GRXCR1: variants seen among roughly 807,000 people sequenced by gnomAD.
GRXCR1 encodes glutaredoxin domain-containing cysteine-rich protein 1.
A neutral mutation model predicts 27.3 loss-of-function variants in GRXCR1; 27 were observed. The observed-to-expected ratio is 0.99, with a 90% CI of 0.73 to 1.37. The LOEUF is 1.37. Ranked by LOEUF, GRXCR1 falls within the 40% of genes most tolerant of loss-of-function variation. The pLI, the probability that GRXCR1 is intolerant of heterozygous loss-of-function variation, is 0.00. For missense variants in GRXCR1, 379 were observed against 354.4 expected, an observed-to-expected ratio of 1.07 and a Z score of -0.56; for synonymous variants, 122 against 131.1, an observed-to-expected ratio of 0.93 and a Z score of 0.47.
chr4:42,993,171 AG>A (rs903574518), intron 2 of GRXCR1, among the ~76,000 whole-genome samples: 10 of 152,052 alleles, frequency 6.6e-5, no homozygotes, highest in African/African-American at 2.2e-4. Flanking sequence ...GACAAGTAAA[AG>A]GTAAGTGAAA....
rs567348004 is a variant in GRXCR1 at position 42,970,441 on chromosome 4, C to T, written c.627+7307C>T. Among the ~76,000 whole-genome samples, 9 of 152,272 alleles carry T rather than the reference C, an allele frequency of 5.9e-5. No individual in the cohort carries two copies. The East Asian group carries it at 1.7e-3, about 29-fold the overall frequency. On this transcript the variant is annotated intron_variant, in intron 2 of 3. Coordinates refer to ENST00000399770, the MANE Select transcript of GRXCR1 (RefSeq NM_001080476.3). The stretch of plus-strand genomic sequence containing the variant: ...TGGACATCCAGGCGTTTCCTTATAT[C>T]CTCTGAAATCTAAGAGGAGGTTCCC...
intron 1 of GRXCR1, among the ~76,000 whole-genome samples, chr4:42,932,236 T>C (rs926029665): frequency 2.0e-5 from 3 of 151,776 alleles, no homozygotes; most frequent in African/African-American, 7.3e-5. Flanking sequence ...TGCCCTCCTC[T>C]TGATGTATGC....
intron 1 of GRXCR1, among the ~76,000 whole-genome samples, chr4:42,943,260 T>C (rs1450723957): frequency 6.6e-6 from 1 of 152,118 alleles, no homozygotes; most frequent in Non-Finnish European, 1.5e-5. Context: ...TAAATAGTTA[T>C]TTTGTTTATC....
intron 1 of GRXCR1, among the ~76,000 whole-genome samples, chr4:42,918,502 TCTG>T (rs1418312440): frequency 6.6e-6 from 1 of 152,112 alleles, no homozygotes; most frequent in Non-Finnish European, 1.5e-5. Context: ...AACATCCACT[TCTG>T]CTGAACATGA....
In GRXCR1 at chr4:42,900,899, G is replaced by T. The variant is rs576608559; in HGVS notation, c.384+7249G>T. Among the ~76,000 whole-genome samples the T allele has an allele frequency of 6.8e-4, 104 of 152,194 alleles. 1 individual carries two copies. Among genetic ancestry groups the T allele is most frequent in the African/African-American group, 2.5e-3 (103 of 41,542 alleles). On this transcript the variant is annotated intron_variant, in intron 1 of 3. Transcript: ENST00000399770. ...TCCCAGAACTAATCCATGCCACAGGGCAACTGTTCTTATTCGCGTATCACC... is the reference window on the plus strand; with the variant it reads ...TCCCAGAACTAATCCATGCCACAGGTCAACTGTTCTTATTCGCGTATCACC...
At chr4:42,943,232 G>T (rs1747663619) in intron 1 of GRXCR1, among the ~76,000 whole-genome samples, 1 of 152,102 alleles carries the variant, frequency 6.6e-6, no homozygotes, top group African/African-American at 2.4e-5. Context: ...ATTGCCTGAT[G>T]CATAGTTAAT....
At chr4:42,983,189 G>T (rs1329746612) in intron 2 of GRXCR1, among the ~76,000 whole-genome samples, 1 of 151,044 alleles carries the variant, frequency 6.6e-6, no homozygotes, top group Non-Finnish European at 1.5e-5. Flanking sequence ...ATGGTTTTAG[G>T]TCTAACGTTG....
intron 3 of GRXCR1, among the ~76,000 whole-genome samples, chr4:43,022,823 G>A (rs928840560): frequency 6.6e-6 from 1 of 152,150 alleles, no homozygotes; most frequent in African/African-American, 2.4e-5. Flanking sequence ...TCATGATGCA[G>A]GAAACATTTC....
At chr4:42,951,372 T>TAA (rs1278226675) in intron 1 of GRXCR1, among the ~76,000 whole-genome samples, 1 of 152,120 alleles carries the variant, frequency 6.6e-6, no homozygotes, top group Admixed American at 6.6e-5. Context: ...TATCTGAGCA[T>TAA]CCCCTAGCCA....
intron 2 of GRXCR1, among the ~76,000 whole-genome samples, chr4:42,975,915 A>T (rs1403386047): frequency 6.6e-6 from 1 of 152,184 alleles, no homozygotes; most frequent in East Asian, 1.9e-4. Flanking sequence ...TCAATTAAAG[A>T]GAAAGAACTT....
intron 1 of GRXCR1, among the ~76,000 whole-genome samples, chr4:42,962,060 T>C (rs1351534192): frequency 6.6e-6 from 1 of 151,980 alleles, no homozygotes; most frequent in African/African-American, 2.4e-5. Context: ...TTTCAGTACC[T>C]ACCTGGTATG....
intron 2 of GRXCR1, 57 bp downstream of exon 2, chr4:42,963,191 A>T: frequency 6.4e-7 from 1 of 1,570,672 alleles, no homozygotes; most frequent in Non-Finnish European, 8.8e-7. Context: ...GCTGATAGAA[A>T]TCTATAACCA....
At chr4:43,001,335 C>T (rs900985370) in intron 2 of GRXCR1, among the ~76,000 whole-genome samples, 7 of 152,092 alleles carry the variant, frequency 4.6e-5, no homozygotes, top group East Asian at 1.9e-4. Flanking sequence ...TAAGTCCCAT[C>T]GTGCCTCAGT....
chr4:42,938,868 G>GT (rs543683761), intron 1 of GRXCR1, among the ~76,000 whole-genome samples: 26,500 of 145,166 alleles, frequency 0.18, 2,411 homozygotes, highest in South Asian at 0.23. Context: ...CTACGTGTCT[G>GT]TTTTTTTTTT....
At chr4:43,003,260 A>C (rs556726850) in intron 2 of GRXCR1, among the ~76,000 whole-genome samples, 1 of 152,190 alleles carries the variant, frequency 6.6e-6, no homozygotes, top group Non-Finnish European at 1.5e-5. Context: ...GTATGTAACA[A>C]ACCTGCACAT....
chr4:42,931,131 A>G (rs1394958178), intron 1 of GRXCR1, among the ~76,000 whole-genome samples: 2 of 151,950 alleles, frequency 1.3e-5, no homozygotes, highest in African/African-American at 4.8e-5. Context: ...TGTCCTTTAA[A>G]TGTATGGATT....
chr4:42,963,008 C>A lies in GRXCR1; in HGVS notation c.501C>A (p.Arg167=), dbSNP rs1487526257. Residue 167 remains arginine, a synonymous_variant, in exon 2 of 4, where the codon CGC becomes CGA. Transcript: ENST00000399770. ...ELVRKIFQNH[R]VKFEEKNIAL... ...TTAGAAAGATTTTCCAAAACCATCG[C>A]GTAAAATTTGAAGAGAAAAACATAG... The A allele has an allele frequency of 2.5e-6, 4 of 1,612,746 alleles. No individual in the cohort carries two copies. The highest frequency in any genetic ancestry group is 3.4e-6 in the Non-Finnish European group (4 of 1,179,134).
intron 2 of GRXCR1, among the ~76,000 whole-genome samples, chr4:43,018,468 G>A (rs1242028877): frequency 6.6e-6 from 1 of 152,132 alleles, no homozygotes; most frequent in Non-Finnish European, 1.5e-5. Flanking sequence ...ACTGCAATGT[G>A]GAATCTTCTC....
intron 1 of GRXCR1, among the ~76,000 whole-genome samples, chr4:42,918,419 T>C (rs754526938): frequency 3.3e-5 from 5 of 152,068 alleles, no homozygotes; most frequent in Non-Finnish European, 7.4e-5. Context: ...GGCTTCATGG[T>C]ATGCCCCCAT....
Sources: gnomAD v4.1 joint callset for allele counts (sites outside exome capture counted in the v4.1 genomes callset) on GRCh38, gnomAD v4.1.1 for gene constraint, MANE v1.5 for transcripts, NCBI Gene and HGNC (gene_info 2026-07-23, HGNC 2026-07-21) for gene names.